Variants in PCDH9 observed in about 807,000 individuals in gnomAD.
PCDH9 encodes protocadherin 9, also known as protocadherin-9.
Under a neutral mutation model 70.6 loss-of-function variants are expected in PCDH9, and 24 were observed. The observed-to-expected ratio is 0.34, with a 90% CI of 0.25 to 0.48. The LOEUF (loss-of-function observed/expected upper bound fraction) is 0.48. Ranked by LOEUF, PCDH9 falls within the 20% of genes least tolerant of loss-of-function variation. The pLI is 0.99. For missense variants in PCDH9, 1,281 were observed against 1,503.6 expected (o/e 0.85, Z 2.45); for synonymous variants, 562 against 558.5 (o/e 1.01, Z -0.09).
chr13:67,015,755 G>T (rs1226761034), intron 2 of PCDH9, among the ~76,000 whole-genome samples: 1 of 152,102 alleles, frequency 6.6e-6, no homozygotes, highest in Non-Finnish European at 1.5e-5. Context: ...TCTAATCTCT[G>T]TCCTTGCATA....
intron 4 of PCDH9, among the ~76,000 whole-genome samples, chr13:66,460,935 T>A (rs1046561430): frequency 6.6e-6 from 1 of 151,842 alleles, no homozygotes; most frequent in African/African-American, 2.4e-5. Context: ...CTGATAAAAT[T>A]ATTAGCATTT....
chr13:66,371,842 A>C (rs1300930415), intron 4 of PCDH9, among the ~76,000 whole-genome samples: 1 of 152,084 alleles, frequency 6.6e-6, no homozygotes, highest in Non-Finnish European at 1.5e-5. Context: ...GCAGAAGTCA[A>C]ACTTTTTGGT....
At chr13:67,200,747 A>C (rs947211589) in intron 2 of PCDH9, among the ~76,000 whole-genome samples, 11 of 152,062 alleles carry the variant, frequency 7.2e-5, no homozygotes, top group African/African-American at 2.4e-4. Context: ...TCGATGCTGA[A>C]GAGTGGACAT....
intron 3 of PCDH9, among the ~76,000 whole-genome samples, chr13:66,807,882 G>A (rs1197770046): frequency 6.6e-6 from 1 of 152,036 alleles, no homozygotes; most frequent in Non-Finnish European, 1.5e-5. Context: ...ACTCATGGAT[G>A]GTAAAATCTA....
At chr13:67,117,737 G>A (rs1249363690) in intron 2 of PCDH9, among the ~76,000 whole-genome samples, 2 of 151,960 alleles carry the variant, frequency 1.3e-5, no homozygotes, top group Non-Finnish European at 2.9e-5. Flanking sequence ...AGGAGGGATG[G>A]GATTTTTTAA....
intron 3 of PCDH9, among the ~76,000 whole-genome samples, chr13:66,801,372 T>C (rs987381687): frequency 1.3e-5 from 2 of 152,106 alleles, no homozygotes; most frequent in Non-Finnish European, 2.9e-5. Context: ...GTATAGGCAT[T>C]GCCAAGGTCA....
intron 4 of PCDH9, among the ~76,000 whole-genome samples, chr13:66,468,710 C>G (rs1316651044): frequency 2.0e-5 from 3 of 152,088 alleles, no homozygotes; most frequent in Non-Finnish European, 2.9e-5. Flanking sequence ...TTGTGCACCT[C>G]AAATTTATAC....
In PCDH9 at chr13:66,811,779, CTT is replaced by C. The variant is rs372842239; in HGVS notation, c.3138+91723_3138+91724del. Among the ~76,000 whole-genome samples, 1,168 of 150,746 alleles carry C rather than the reference CTT, an allele frequency of 7.7e-3. 18 individuals carry two copies. The highest frequency in any genetic ancestry group is 0.027 in the African/African-American group (1,094 of 41,016). Reference sequence around the variant, plus strand: ...TTTTTCTTTCTCTCTCTCTCTCTCTCTTTTCCTTCTCTTTCTCTCCTTCTTTC... The same window carrying C: ...TTTTTCTTTCTCTCTCTCTCTCTCTCTTCCTTCTCTTTCTCTCCTTCTTTC... On this transcript the variant is annotated intron_variant, in intron 3 of 4. Coordinates refer to ENST00000377865, the MANE Select transcript of PCDH9 (RefSeq NM_203487.3).
At chr13:66,531,387 T>G (rs568123923) in intron 4 of PCDH9, among the ~76,000 whole-genome samples, 9 of 152,096 alleles carry the variant, frequency 5.9e-5, no homozygotes, top group Non-Finnish European at 1.2e-4. Flanking sequence ...AATAGTTATA[T>G]ATGGAAAGCT....
intron 3 of PCDH9, among the ~76,000 whole-genome samples, chr13:66,826,890 C>T (rs2031350): frequency 0.35 from 53,362 of 151,906 alleles, 10,058 homozygotes; most frequent in Non-Finnish European, 0.43. Context: ...TTCAGCAGAG[C>T]AATTCAGAGG....
intron 2 of PCDH9, chr13:67,202,880 T>C (rs1430646821): frequency 1.3e-5 from 2 of 152,112 alleles, no homozygotes; most frequent in Admixed American, 1.3e-4. Context: ...TATGTGAATA[T>C]GTGAGTGTCT....
At chr13:66,985,075 T>C (rs1208772175) in intron 2 of PCDH9, among the ~76,000 whole-genome samples, 2 of 152,086 alleles carry the variant, frequency 1.3e-5, no homozygotes, top group African/African-American at 2.4e-5. Context: ...ACAATTCAGC[T>C]CTCATCCTCC....
At chr13:66,606,434 A>C (rs2077223561) in intron 4 of PCDH9, among the ~76,000 whole-genome samples, 1 of 152,132 alleles carries the variant, frequency 6.6e-6, no homozygotes, top group Admixed American at 6.6e-5. Context: ...GCTTTGGAAA[A>C]TACGATGAAG....
chr13:66,959,845 T>C (rs1280065166), intron 2 of PCDH9, among the ~76,000 whole-genome samples: 1 of 152,160 alleles, frequency 6.6e-6, no homozygotes, highest in African/African-American at 2.4e-5. Context: ...ATTAAGTCAC[T>C]GAACCTTAAT....
intron 4 of PCDH9, among the ~76,000 whole-genome samples, chr13:66,425,612 T>G (rs1957655718): frequency 6.6e-6 from 1 of 151,656 alleles, no homozygotes; most frequent in Non-Finnish European, 1.5e-5. Context: ...AGTTCTCTTA[T>G]AAAATCCTCC....
intron 4 of PCDH9, among the ~76,000 whole-genome samples, chr13:66,347,482 C>G (rs1566258507): frequency 1.3e-5 from 2 of 152,162 alleles, no homozygotes; most frequent in African/African-American, 2.4e-5. Flanking sequence ...AAAACAAAAA[C>G]AAACAAAAAA....
At chr13:66,900,931 T>A (rs889161431) in intron 3 of PCDH9, among the ~76,000 whole-genome samples, 1 of 151,720 alleles carries the variant, frequency 6.6e-6, no homozygotes, top group Non-Finnish European at 1.5e-5. Flanking sequence ...GAATTAAATA[T>A]AATGAAAAAT....
In PCDH9 at chr13:66,944,267, A is replaced by G. The variant is rs1255141533; in HGVS notation, c.3037-40662T>C. 3.3e-5 allele frequency among the ~76,000 whole-genome samples: 5 copies of G among 152,136 alleles called. No individual in the cohort carries two copies. The South Asian group carries it at 8.3e-4, about 25-fold the overall frequency. ...AAATCTCTGTTTCTTTAATGCAACT[A>G]TCTATTTAACTTTAAACATGAAAAA... On this transcript the variant is annotated intron_variant, in intron 2 of 4. Transcript: ENST00000377865.
At chr13:66,556,830 A>G (rs1439472245) in intron 4 of PCDH9, among the ~76,000 whole-genome samples, 1 of 152,140 alleles carries the variant, frequency 6.6e-6, no homozygotes, top group Non-Finnish European at 1.5e-5. Flanking sequence ...AGAGTACATT[A>G]TTTCATAACA....
Sources: allele counts gnomAD v4.1 joint callset (sites outside exome capture counted in the v4.1 genomes callset), GRCh38; gene constraint gnomAD v4.1.1; transcripts MANE v1.5; gene names NCBI Gene and HGNC (gene_info 2026-07-23, HGNC 2026-07-21).